The following CLXN variants were observed in gnomAD, a reference collection of about 807,000 sequenced individuals.
CLXN encodes EF-hand calcium binding domain 1.
At chr8:48,715,638 A>G in the CLXN span, 1 of 152,206 alleles carries the variant, frequency 6.6e-6, no homozygotes, top group Non-Finnish European at 1.5e-5. Flanking sequence ...TGGTGCCCAC[A>G]GTCTTCACTG....
At chr8:48,727,168 T>TCCACCCAC in the CLXN span, among the ~76,000 whole-genome samples, 2 of 135,758 alleles carry the variant, frequency 1.5e-5, no homozygotes, top group Non-Finnish European at 3.1e-5. Context: ...CATCCATCCA[T>TCCACCCAC]CCACCCACCC....
chr8:48,729,782 G>C, the CLXN span: 1 of 1,613,070 alleles, frequency 6.2e-7, no homozygotes, highest in Non-Finnish European at 8.5e-7. Flanking sequence ...TCCTCAGATG[G>C]CTGTTTGAGA....
chr8:48,712,650 C>T, the CLXN span, among the ~76,000 whole-genome samples: 1 of 152,172 alleles, frequency 6.6e-6, no homozygotes, highest in Non-Finnish European at 1.5e-5. Context: ...GACGTGCGCC[C>T]AGCCTCATTA....
At chr8:48,728,122 C>T in the CLXN span, among the ~76,000 whole-genome samples, 38 of 152,224 alleles carry the variant, frequency 2.5e-4, no homozygotes, top group African/African-American at 8.9e-4. Flanking sequence ...CATCACACTG[C>T]CTGCCTCAAT....
chr8:48,714,442 T>G, the CLXN span, among the ~76,000 whole-genome samples: 281 of 152,340 alleles, frequency 1.8e-3, no homozygotes, highest in Non-Finnish European at 3.4e-3. Flanking sequence ...TACAGTCAAG[T>G]GCCACGATCA....
At chr8:48,726,106 C>T in the CLXN span, among the ~76,000 whole-genome samples, 1 of 145,418 alleles carries the variant, frequency 6.9e-6, no homozygotes, top group African/African-American at 2.5e-5. Context: ...TCCATCTACC[C>T]ACCCACTCCA....
At chr8:48,733,810 A>G in the CLXN span, among the ~76,000 whole-genome samples, 1 of 152,224 alleles carries the variant, frequency 6.6e-6, no homozygotes, top group Non-Finnish European at 1.5e-5. Context: ...CTTACCGAAC[A>G]GAGACTAAAT....
chr8:48,714,790 A>C, the CLXN span: 2 of 152,240 alleles, frequency 1.3e-5, no homozygotes, highest in East Asian at 1.9e-4. Context: ...AGAGACTGTA[A>C]CCCAACAATT....
chr8:48,722,136 G>A, the CLXN span, among the ~76,000 whole-genome samples: 14 of 152,006 alleles, frequency 9.2e-5, no homozygotes, highest in Non-Finnish European at 2.1e-4. Context: ...ATTTAGAAAT[G>A]GGCAAAAAAC....
the CLXN span, chr8:48,735,116 G>A: frequency 1.2e-6 from 2 of 1,614,184 alleles, no homozygotes; most frequent in Non-Finnish European, 8.5e-7. Context: ...TTTTGGTTAA[G>A]GTGTCCGTCA....
chr8:48,728,499 C>T, the CLXN span, among the ~76,000 whole-genome samples: 2 of 152,150 alleles, frequency 1.3e-5, no homozygotes, highest in Non-Finnish European at 2.9e-5. Flanking sequence ...GACTCTGGCA[C>T]CAGGGTACCC....
chr8:48,720,710 G>A, the CLXN span, among the ~76,000 whole-genome samples: 1 of 152,076 alleles, frequency 6.6e-6, no homozygotes, highest in African/African-American at 2.4e-5. Flanking sequence ...TAGTAGTTCT[G>A]CTTTTTGCCC....
At chr8:48,721,269 A>C in the CLXN span, among the ~76,000 whole-genome samples, 1 of 152,218 alleles carries the variant, frequency 6.6e-6, no homozygotes, top group Non-Finnish European at 1.5e-5. Flanking sequence ...AGTCTTATAC[A>C]CTGAAAATTA....
the CLXN span, among the ~76,000 whole-genome samples, chr8:48,725,430 G>C: frequency 6.6e-6 from 1 of 152,184 alleles, no homozygotes; most frequent in Non-Finnish European, 1.5e-5. Flanking sequence ...TGAAATTAAG[G>C]TAAGTTCTCT....
chr8:48,731,118 T>C, the CLXN span, among the ~76,000 whole-genome samples: 5 of 152,178 alleles, frequency 3.3e-5, no homozygotes, highest in African/African-American at 7.2e-5. Flanking sequence ...GGTTTTCTGA[T>C]ATAAGGTAAG....
the CLXN span, among the ~76,000 whole-genome samples, chr8:48,717,909 A>T: frequency 6.6e-6 from 1 of 152,320 alleles, no homozygotes; most frequent in East Asian, 1.9e-4. Context: ...ATCATTACAA[A>T]ACATCATCAA....
the CLXN span, chr8:48,731,292 CT>C: frequency 2.0e-4 from 297 of 1,471,984 alleles, no homozygotes; most frequent in South Asian, 5.9e-4. Flanking sequence ...GCACCAAACC[CT>C]TTTTTTTTCA....
chr8:48,728,037 A>G, the CLXN span, among the ~76,000 whole-genome samples: 4 of 152,164 alleles, frequency 2.6e-5, no homozygotes, highest in African/African-American at 9.6e-5. Flanking sequence ...TGTTGAGGAG[A>G]TCTAAGTGGA....
chr8:48,731,622 A>G, the CLXN span: 3 of 753,984 alleles, frequency 4.0e-6, no homozygotes, highest in Non-Finnish European at 6.0e-6. Context: ...AATTGTCAAT[A>G]GAAGACTCTC....
Sources: gnomAD v4.1 joint callset for allele counts (sites outside exome capture counted in the v4.1 genomes callset) on GRCh38, gnomAD v4.1.1 for gene constraint, MANE v1.5 for transcripts, NCBI Gene and HGNC (gene_info 2026-07-23, HGNC 2026-07-21) for gene names.